The following KPNA1 variants were observed in gnomAD, a reference collection of about 807,000 sequenced individuals.
KPNA1 encodes the protein importin subunit alpha-5.
In KPNA1, 10 loss-of-function variants were observed where a neutral mutation model predicts 70.5. That is an observed-to-expected ratio of 0.14 (90% confidence interval 0.09 to 0.24). KPNA1 has a LOEUF of 0.24. KPNA1 is among the 10% of genes least tolerant of loss of function. The pLI is 1.00. For synonymous variants in KPNA1, 192 were observed against 221.9 expected (o/e 0.87, Z 1.20); for missense variants, 397 against 637.9 (o/e 0.62, Z 4.07).
chr3:122,460,301 G>A (rs1335532535), intron 5 of KPNA1: 1 of 984,908 alleles, frequency 1.0e-6, no homozygotes, highest in Non-Finnish European at 1.2e-6. Flanking sequence ...AGAATTTCTA[G>A]GATGAGAGTC....
At chr3:122,465,723 A>T (rs1397043695) in intron 3 of KPNA1, among the ~76,000 whole-genome samples, 2 of 152,252 alleles carry the variant, frequency 1.3e-5, no homozygotes, top group African/African-American at 4.8e-5. Flanking sequence ...AATATGGTGA[A>T]ACCCTGTCTC....
intron 1 of KPNA1, among the ~76,000 whole-genome samples, chr3:122,511,306 G>T (rs1189661975): frequency 1.3e-5 from 2 of 152,004 alleles, no homozygotes; most frequent in African/African-American, 4.8e-5. Context: ...CCCTCCTCAC[G>T]CTGGAAAAAC....
intron 12 of KPNA1, among the ~76,000 whole-genome samples, chr3:122,432,063 A>C (rs2075917672): frequency 6.6e-6 from 1 of 152,144 alleles, no homozygotes; most frequent in South Asian, 2.1e-4. Flanking sequence ...TGGCCTCCCA[A>C]AGTGGTGGGA....
chr3:122,486,470 C>T (rs1412363284), intron 2 of KPNA1, among the ~76,000 whole-genome samples: 1 of 152,170 alleles, frequency 6.6e-6, no homozygotes, highest in Non-Finnish European at 1.5e-5. Flanking sequence ...AAAAGGTGCA[C>T]TAGGAAACCT....
chr3:122,467,008 TAAATAAATAA>T (rs958054686), intron 3 of KPNA1, among the ~76,000 whole-genome samples: 5 of 14,740 alleles, frequency 3.4e-4, no homozygotes, highest in African/African-American at 9.3e-4. Context: ...CTCTAAAACA[TAAATAAATAA>T]ATAAATAAAT....
intron 11 of KPNA1, among the ~76,000 whole-genome samples, chr3:122,436,732 GACA>G (rs537672417): frequency 8.1e-4 from 123 of 152,282 alleles, no homozygotes; most frequent in African/African-American, 2.8e-3. Context: ...TATGAAATAA[GACA>G]ACAACATTGA....
At chr3:122,463,316 C>G (rs939721356) in intron 4 of KPNA1, among the ~76,000 whole-genome samples, 1 of 150,094 alleles carries the variant, frequency 6.7e-6, no homozygotes, top group Non-Finnish European at 1.5e-5. Flanking sequence ...CCACTGTACT[C>G]CAGCCTGGGC....
At position 122,426,272 on chromosome 3, in the gene KPNA1, A is replaced by G. The variant is rs1044904397; in HGVS notation, c.*713T>C. On this transcript the variant is annotated 3_prime_UTR_variant, in exon 14 of 14. Coordinates refer to ENST00000344337, the MANE Select transcript of KPNA1 (RefSeq NM_002264.4). Reference sequence around the variant, plus strand: ...TATGTGCCCCTCTCCTTTCTGCTCTAAGGGAATCTACAAACCAGTATCACA... The same window carrying G: ...TATGTGCCCCTCTCCTTTCTGCTCTGAGGGAATCTACAAACCAGTATCACA... 48 of 152,658 alleles carry G rather than the reference A, an allele frequency of 3.1e-4. No homozygotes were observed. The highest frequency in any genetic ancestry group is 1.0e-3 in the African/African-American group (42 of 41,460). 9.5% of individuals were successfully genotyped at this position (152,658 alleles called of 1,614,324 possible). A position where few individuals can be genotyped will look rare whatever the true frequency, so the allele number is the denominator to read the frequency against.
intron 1 of KPNA1, among the ~76,000 whole-genome samples, chr3:122,504,556 T>A (rs2076867901): frequency 6.6e-6 from 1 of 152,202 alleles, no homozygotes; most frequent in African/African-American, 2.4e-5. Context: ...TCTATATTCA[T>A]GTGGGGGCAA....
chr3:122,451,460 T>A lies in KPNA1; in HGVS notation c.753+74A>T, dbSNP rs777098465. The A allele has an allele frequency of 4.1e-6, 3 of 729,624 alleles. No individual in the cohort carries two copies. In the South Asian group the frequency reaches 6.3e-5, roughly 15 times the overall value. The allele number at this position is 729,624 out of a possible 1,614,324, so 45.2% of individuals were successfully genotyped here. On this transcript the variant is annotated intron_variant, in intron 8 of 13. Coordinates refer to ENST00000344337, the MANE Select transcript of KPNA1 (RefSeq NM_002264.4). ...AATTTTAACAAAAATTATCTTCCTG[T>A]TCACCTTACCATTGGTTGCAATACT...
chr3:122,498,080 A>AT (rs2076784133), intron 1 of KPNA1, among the ~76,000 whole-genome samples: 1 of 152,064 alleles, frequency 6.6e-6, no homozygotes, highest in Non-Finnish European at 1.5e-5. Context: ...GTCCAACCTC[A>AT]TTTTTTTGCA....
At chr3:122,498,468 T>G (rs757286879) in intron 1 of KPNA1, among the ~76,000 whole-genome samples, 4 of 152,202 alleles carry the variant, frequency 2.6e-5, no homozygotes, top group Non-Finnish European at 5.9e-5. Flanking sequence ...AACAAATTTC[T>G]ATTGTCTGTT....
intron 1 of KPNA1, among the ~76,000 whole-genome samples, chr3:122,501,218 G>A (rs1264327648): frequency 6.6e-5 from 10 of 151,690 alleles, no homozygotes; most frequent in African/African-American, 9.7e-5. Flanking sequence ...TAGTAGAGTC[G>A]AGGTTTCACC....
At chr3:122,466,103 T>C (rs1460808867) in intron 3 of KPNA1, among the ~76,000 whole-genome samples, 1 of 152,238 alleles carries the variant, frequency 6.6e-6, no homozygotes, top group Non-Finnish European at 1.5e-5. Context: ...AATGATGGCA[T>C]TGGCTATGTC....
Position 122,475,813 on chromosome 3 carries a change from G to A in KPNA1, c.130-8384C>T, listed in dbSNP as rs1005054374. On this transcript the variant is annotated intron_variant, in intron 2 of 13. Coordinates refer to ENST00000344337, the MANE Select transcript of KPNA1 (RefSeq NM_002264.4). The stretch of plus-strand genomic sequence containing the variant: ...TTACAATAAAGTAAGCTACAGAAAA[G>A]AAAATGTTATTTAGAAAATCATAAG... 2.6e-5 allele frequency among the ~76,000 whole-genome samples: 4 copies of A among 152,086 alleles called. No homozygotes were observed. In the East Asian group the frequency reaches 7.7e-4, roughly 29 times the overall value.
At chr3:122,470,229 T>G (rs576026810) in intron 2 of KPNA1, among the ~76,000 whole-genome samples, 2 of 152,150 alleles carry the variant, frequency 1.3e-5, no homozygotes, top group Non-Finnish European at 2.9e-5. Flanking sequence ...GCTAAATAAG[T>G]AGGCGGGGCA....
intron 12 of KPNA1, among the ~76,000 whole-genome samples, chr3:122,428,275 C>G (rs968746821): frequency 6.6e-6 from 1 of 152,172 alleles, no homozygotes; most frequent in African/African-American, 2.4e-5. Flanking sequence ...GACATGATTA[C>G]TGTATCACAT....
At chr3:122,469,375 A>T (rs2076416736) in intron 2 of KPNA1, among the ~76,000 whole-genome samples, 1 of 152,204 alleles carries the variant, frequency 6.6e-6, no homozygotes, top group Admixed American at 6.5e-5. Flanking sequence ...AAGTAAATTT[A>T]CTGAGACTCC....
intron 9 of KPNA1, among the ~76,000 whole-genome samples, chr3:122,443,815 G>A (rs1196723314): frequency 2.0e-5 from 3 of 152,176 alleles, no homozygotes; most frequent in Non-Finnish European, 4.4e-5. Context: ...GAAAATGGGG[G>A]CAGAGCAAGA....
Sources: allele counts gnomAD v4.1 joint callset (sites outside exome capture counted in the v4.1 genomes callset), GRCh38; gene constraint gnomAD v4.1.1; transcripts MANE v1.5; gene names NCBI Gene and HGNC (gene_info 2026-07-23, HGNC 2026-07-21).